Variants in IL23R observed in about 807,000 individuals in gnomAD.
The protein encoded by IL23R is interleukin 23 receptor.
In IL23R, 34 loss-of-function variants were observed where a neutral mutation model predicts 56.9. The observed-to-expected ratio is 0.60, with a 90% confidence interval of 0.45 to 0.80. The LOEUF (loss-of-function observed/expected upper bound fraction) is 0.80. IL23R is among the 30% of genes least tolerant of loss of function. The pLI is 0.00. For missense variants in IL23R, 635 were observed against 730.0 expected (o/e 0.87, Z 1.50); for synonymous variants, 230 against 249.2 (o/e 0.92, Z 0.73).
chr1:67,197,914 T>C (rs1648285970), intron 4 of IL23R, among the ~76,000 whole-genome samples: 1 of 150,814 alleles, frequency 6.6e-6, no homozygotes, highest in East Asian at 1.9e-4. Flanking sequence ...CCAGCCTGGG[T>C]GACAGAGTGA....
downstream of IL23R, among the ~76,000 whole-genome samples, chr1:67,261,831 A>G (rs1347967229): frequency 6.6e-6 from 1 of 152,214 alleles, no homozygotes; most frequent in African/African-American, 2.4e-5. Flanking sequence ...GCATTGTTTG[A>G]TCTTCTGCAA....
Position 67,158,234 on chromosome 1 carries a change from A to AT in IL23R, c.-633-9852dup, listed in dbSNP as rs577185964. ...CCATGTCAAAAAAAAAAAAAGAAAT[A>AT]TTTTTTGAATGAATGAATGTTGTAA... On this transcript the variant is annotated intron_variant, in intron 1 of 10. Transcript: ENST00000637002. Among the ~76,000 whole-genome samples, 159 of 152,054 alleles carry AT rather than the reference A, an allele frequency of 1.0e-3. 1 individual carries two copies. The highest frequency in any genetic ancestry group is 3.5e-3 in the African/African-American group (146 of 41,470).
At chr1:67,233,195 CAAA>C (rs34125353) in intron 7 of IL23R, among the ~76,000 whole-genome samples, 1 of 53,634 alleles carries the variant, frequency 1.9e-5, no homozygotes, top group African/African-American at 7.8e-5. Context: ...CTAAAAATTC[CAAA>C]AAAAAAAAAA....
intron 4 of IL23R, among the ~76,000 whole-genome samples, chr1:67,188,957 A>G (rs1647548443): frequency 6.6e-6 from 1 of 152,156 alleles, no homozygotes; most frequent in Non-Finnish European, 1.5e-5. Context: ...ATATTATAAT[A>G]TTATGGCCTA....
chr1:67,254,608 T>A (rs1460294371), intron 9 of IL23R, among the ~76,000 whole-genome samples: 1 of 152,112 alleles, frequency 6.6e-6, no homozygotes, highest in Non-Finnish European at 1.5e-5. Context: ...TACCCTAAAG[T>A]CCAAGGTCAA....
chr1:67,205,911 CTTT>C (rs1558242916), intron 5 of IL23R, among the ~76,000 whole-genome samples: 2 of 97,310 alleles, frequency 2.1e-5, no homozygotes, highest in African/African-American at 6.3e-5. Context: ...TTCTTTCTTT[CTTT>C]CTTTCTTTCT....
chr1:67,265,722 A>G, the IL23R span, among the ~76,000 whole-genome samples: 1 of 152,178 alleles, frequency 6.6e-6, no homozygotes, highest in South Asian at 2.1e-4. Flanking sequence ...TGCTGGGCCA[A>G]GAGACAGAAA....
Position 67,259,205 on chromosome 1 carries a change from T to A in IL23R, c.*77T>A, listed in dbSNP as rs1653112866. On this transcript the variant is annotated 3_prime_UTR_variant, in exon 11 of 11. Coordinates refer to ENST00000347310, the MANE Select transcript of IL23R (RefSeq NM_144701.3). ...GGTTTTCCCTGCAATAGAAATTGAA[T>A]TCTGCCTCTTTTTGAAAAAAATGTA... The A allele has an allele frequency of 7.1e-7, 1 of 1,405,038 alleles. No individual in the cohort carries two copies. The highest frequency in any genetic ancestry group is 1.0e-6 in the Non-Finnish European group (1 of 997,958). 87.0% of individuals were successfully genotyped at this position (1,405,038 alleles called of 1,614,324 possible).
chr1:67,240,335 A>G, intron 9 of IL23R, 54 bp downstream of exon 9: 2 of 1,110,184 alleles, frequency 1.8e-6, no homozygotes, highest in South Asian at 2.5e-5. Flanking sequence ...TATATGTATC[A>G]CCAAAATTTA....
intron 5 of IL23R, among the ~76,000 whole-genome samples, chr1:67,205,292 T>G (rs1275223723): frequency 6.6e-6 from 1 of 152,230 alleles, no homozygotes; most frequent in African/African-American, 2.4e-5. Flanking sequence ...ATCATCTACC[T>G]TTGCACATAA....
chr1:67,212,976 C>T lies in IL23R; in HGVS notation c.798+5921C>T, dbSNP rs541167376. 5.3e-5 allele frequency among the ~76,000 whole-genome samples: 8 copies of T among 152,100 alleles called. No homozygotes were observed. The South Asian group carries it at 1.0e-3, about 20-fold the overall frequency. The stretch of plus-strand genomic sequence containing the variant: ...GCAACCTCTGCTTCCCGGGTTCAAG[C>T]GATTCTCCTGACTCAGCCTCCCTAG... On this transcript the variant is annotated intron_variant, in intron 6 of 10. Coordinates refer to ENST00000347310, the MANE Select transcript of IL23R (RefSeq NM_144701.3).
At chr1:67,140,888 T>G (rs1339270079) in intron 1 of IL23R, among the ~76,000 whole-genome samples, 4 of 152,206 alleles carry the variant, frequency 2.6e-5, no homozygotes, top group Non-Finnish European at 5.9e-5. Context: ...AAAATGAATT[T>G]AGAGATATTA....
intron 1 of IL23R, among the ~76,000 whole-genome samples, chr1:67,150,906 A>G (rs1384646443): frequency 6.6e-6 from 1 of 152,186 alleles, no homozygotes; most frequent in African/African-American, 2.4e-5. Context: ...TAGTGCTGCA[A>G]TAAACATATG....
intron 4 of IL23R, among the ~76,000 whole-genome samples, chr1:67,199,807 A>T (rs1041909322): frequency 1.3e-5 from 2 of 152,080 alleles, no homozygotes; most frequent in African/African-American, 2.4e-5. Context: ...TTTATTTTTT[A>T]AAATTGTGAA....
intron 1 of IL23R, among the ~76,000 whole-genome samples, chr1:67,159,948 ACT>A (rs1205410742): frequency 7.9e-5 from 12 of 152,180 alleles, no homozygotes; most frequent in African/African-American, 2.9e-4. Context: ...TTCTCCTGTA[ACT>A]GTTCATAAGA....
intron 10 of IL23R, among the ~76,000 whole-genome samples, chr1:67,256,978 T>C (rs1228701373): frequency 1.3e-5 from 2 of 152,176 alleles, no homozygotes; most frequent in Admixed American, 1.3e-4. Context: ...CATTCCAGCT[T>C]TACTCCAGCC....
At chr1:67,139,610 A>G (rs1272038513) in intron 1 of IL23R, among the ~76,000 whole-genome samples, 1 of 152,236 alleles carries the variant, frequency 6.6e-6, no homozygotes, top group Non-Finnish European at 1.5e-5. Context: ...AAACATATTC[A>G]TTTGTATAGC....
intron 9 of IL23R, 35 bp from the exon 10 acceptor site, chr1:67,255,802 C>T: frequency 3.8e-6 from 4 of 1,044,686 alleles, no homozygotes; most frequent in East Asian, 2.4e-5. Flanking sequence ...TATATGATTG[C>T]CTGCTTCTTC....
intron 9 of IL23R, among the ~76,000 whole-genome samples, chr1:67,250,976 G>T (rs1558265814): frequency 1.3e-5 from 2 of 152,122 alleles, no homozygotes; most frequent in Non-Finnish European, 2.9e-5. Flanking sequence ...AAAACAGAGG[G>T]TTTTTTCCAA....
Sources: gnomAD v4.1 joint callset for allele counts (sites outside exome capture counted in the v4.1 genomes callset) on GRCh38, gnomAD v4.1.1 for gene constraint, MANE v1.5 for transcripts, NCBI Gene and HGNC (gene_info 2026-07-23, HGNC 2026-07-21) for gene names.